ITGAV: variants seen among roughly 807,000 people sequenced by gnomAD.
ITGAV encodes integrin alpha-V.
Under a neutral mutation model 143.8 loss-of-function variants are expected in ITGAV, and 76 were observed. That is an observed-to-expected ratio of 0.53 (90% CI 0.44 to 0.64). The LOEUF is 0.64. Ranked by LOEUF, ITGAV falls within the 30% of genes least tolerant of loss-of-function variation. The pLI is 0.00. For missense variants in ITGAV, 1,193 were observed against 1,274.7 expected, an observed-to-expected ratio of 0.94 and a Z score of 0.98; for synonymous variants, 453 against 446.7, an observed-to-expected ratio of 1.01 and a Z score of -0.18.
intron 12 of ITGAV, 91 bp downstream of exon 12, chr2:186,641,679 C>A: frequency 1.0e-6 from 1 of 974,724 alleles, no homozygotes; most frequent in Non-Finnish European, 1.6e-6. Context: ...TCTACACGAG[C>A]AAATCTCCTT....
chr2:186,590,572 G>T, intron 1 of ITGAV, 49 bp downstream of exon 1: 16 of 1,528,554 alleles, frequency 1.0e-5, no homozygotes, highest in Non-Finnish European at 1.4e-5. Flanking sequence ...CCCACCGCGC[G>T]CACCCACCCA....
intron 26 of ITGAV, among the ~76,000 whole-genome samples, chr2:186,674,268 T>G (rs1228799271): frequency 1.3e-5 from 2 of 152,010 alleles, no homozygotes; most frequent in Non-Finnish European, 2.9e-5. Context: ...GAGCCACTGC[T>G]CTTGACCTCA....
At chr2:186,668,506 T>TGGGATTACA in intron 24 of ITGAV, 1 of 346,608 alleles carries the variant, frequency 2.9e-6, no homozygotes. Flanking sequence ...CCCAAAGTGC[T>TGGGATTACA]GGGATTACAG....
chr2:186,673,889 C>T (rs1173323315), intron 26 of ITGAV, among the ~76,000 whole-genome samples: 1 of 151,962 alleles, frequency 6.6e-6, no homozygotes, highest in Non-Finnish European at 1.5e-5. Context: ...AGTCTGGTCT[C>T]GAACTCCTGA....
intron 2 of ITGAV, among the ~76,000 whole-genome samples, chr2:186,614,897 T>A (rs988618264): frequency 6.6e-6 from 1 of 152,080 alleles, no homozygotes; most frequent in Non-Finnish European, 1.5e-5. Context: ...CTGTTTTAAG[T>A]GTACAATTCA....
At chr2:186,607,964 G>A (rs959947389) in intron 2 of ITGAV, among the ~76,000 whole-genome samples, 2 of 152,130 alleles carry the variant, frequency 1.3e-5, no homozygotes, top group African/African-American at 2.4e-5. Flanking sequence ...GTTTTGTGGC[G>A]ACTCTGGAAG....
Position 186,669,814 on chromosome 2 carries a change from G to A in ITGAV, c.2706G>A (p.Leu902=). 6.3e-7 allele frequency: 1 copy of A among 1,595,464 alleles called. No homozygotes were observed. Among genetic ancestry groups the A allele is most frequent in the Non-Finnish European group, 8.6e-7 (1 of 1,163,438 alleles). ...LALSEGDIHT[L]GCGVAQCLKI... ...TCAGTGAAGGAGATATTCACACTTT[G>A]GTAAGTGCCATTTCAAATATGTGCA... is the stretch of plus-strand genomic sequence containing the variant. The change falls in exon 26 of 30, where the codon TTG becomes TTA. Residue 902 remains leucine, a splice_region_variant and synonymous_variant. Coordinates refer to ENST00000261023, the MANE Select transcript of ITGAV (RefSeq NM_002210.5).
At chr2:186,641,241 A>C (rs1470350949) in intron 11 of ITGAV, 145 bp from the exon 12 acceptor site, 1 of 647,042 alleles carries the variant, frequency 1.5e-6, no homozygotes, top group African/African-American at 1.8e-5. Flanking sequence ...TTCAAATTTG[A>C]AATGAGTGCT....
At chr2:186,620,376 A>C (rs1352325905) in intron 2 of ITGAV, among the ~76,000 whole-genome samples, 1 of 152,192 alleles carries the variant, frequency 6.6e-6, no homozygotes, top group Non-Finnish European at 1.5e-5. Flanking sequence ...TTTCCGGGCA[A>C]GAGGACCTTG....
chr2:186,675,606 T>C lies in ITGAV; in HGVS notation c.2709T>C (p.Gly903=), dbSNP rs138642568. The change falls in exon 27 of 30, where the codon GGT becomes GGC. Residue 903 remains glycine (G), a splice_region_variant and synonymous_variant. Coordinates refer to ENST00000261023, the MANE Select transcript of ITGAV (RefSeq NM_002210.5). Reference sequence around the variant, plus strand: ...AAGTAAAGGATTTGTTTTGGCAGGGTTGTGGAGTTGCTCAGTGCTTGAAGA... The same window carrying C: ...AAGTAAAGGATTTGTTTTGGCAGGGCTGTGGAGTTGCTCAGTGCTTGAAGA... ...ALSEGDIHTL[G]CGVAQCLKIV... is the part of the protein sequence containing the mutation. 19 of 1,610,936 alleles carry C rather than the reference T, an allele frequency of 1.2e-5. No homozygotes were observed. The highest frequency in any genetic ancestry group is 1.7e-6 in the Non-Finnish European group (2 of 1,177,278).
intron 24 of ITGAV, chr2:186,668,139 T>TCATTAATA (rs1161321475): frequency 7.2e-6 from 1 of 138,714 alleles, no homozygotes; most frequent in African/African-American, 2.6e-5. Flanking sequence ...TTGTCATCCT[T>TCATTAATA]CATTAATAAC....
chr2:186,655,931 C>G (rs61762255), intron 16 of ITGAV, among the ~76,000 whole-genome samples: 1 of 152,116 alleles, frequency 6.6e-6, no homozygotes, highest in Non-Finnish European at 1.5e-5. Flanking sequence ...ATGTTTCATC[C>G]TCTGGATTTC....
rs79257155 is a variant in ITGAV at position 186,642,271 on chromosome 2, G to A, written c.1159+683G>A. Among the ~76,000 whole-genome samples, 928 of 152,062 alleles carry A rather than the reference G, an allele frequency of 6.1e-3. 5 individuals carry two copies. The highest frequency in any genetic ancestry group is 0.011 in the Non-Finnish European group (743 of 67,996). On this transcript the variant is annotated intron_variant, in intron 12 of 29. Coordinates refer to ENST00000261023, the MANE Select transcript of ITGAV (RefSeq NM_002210.5). ...GTTAAAAACCTTTCTAGAGATCACA[G>A]AATGGATAGTTGAACTAGTTTGTGT...
In ITGAV at chr2:186,646,847, G is replaced by A. The variant is rs1230947126; in HGVS notation, c.1321G>A (p.Ala441Thr). 6.2e-7 allele frequency: 1 copy of A among 1,604,348 alleles called. No individual in the cohort carries two copies. The highest frequency in any genetic ancestry group is 1.3e-5 in the African/African-American group (1 of 74,734). The change falls in exon 13 of 30, where the codon GCC becomes ACC. Residue 441 changes from alanine to threonine, a missense_variant. Physicochemically the swap from Ala to Thr is moderately conservative, Grantham distance 58 (BLOSUM62 0). Coordinates refer to ENST00000261023, the MANE Select transcript of ITGAV (RefSeq NM_002210.5). ...PPSFGYSMKGATDIDKNGYPD... is the reference protein window; with the variant it reads ...PPSFGYSMKGTTDIDKNGYPD... ...AAGCTTTGGCTATTCAATGAAAGGA[G>A]CCACAGATATAGACAAAAATGGATA...
At position 186,633,068 on chromosome 2, in the gene ITGAV, G is replaced by A. The variant is rs1391664105; in HGVS notation, c.586-261G>A. On this transcript the variant is annotated intron_variant, in intron 5 of 29. Transcript: ENST00000261023. The stretch of plus-strand genomic sequence containing the variant: ...ATAAATCTCAGCACTTTAAGAGGCT[G>A]AGCTGGGAAGATAGCTTAAAGCCAG... Among the ~76,000 whole-genome samples the A allele has an allele frequency of 1.2e-4, 18 of 150,620 alleles. No homozygotes were observed. The Admixed American group carries it at 1.2e-3, about 10-fold the overall frequency.
chr2:186,668,661 TA>T, intron 24 of ITGAV, 100 bp from the exon 25 acceptor site: 1 of 1,035,858 alleles, frequency 9.7e-7, no homozygotes, highest in Middle Eastern at 2.1e-4. Flanking sequence ...TGCTGTTATT[TA>T]AAACCTATTG....
At chr2:186,665,086 T>C in intron 20 of ITGAV, 40 bp from the exon 21 acceptor site, 1 of 1,237,192 alleles carries the variant, frequency 8.1e-7, no homozygotes, top group Non-Finnish European at 1.1e-6. Context: ...CTTTATTTCC[T>C]TTCATATCCA....
chr2:186,592,937 A>C (rs1192439527), intron 1 of ITGAV, among the ~76,000 whole-genome samples: 1 of 152,166 alleles, frequency 6.6e-6, no homozygotes, highest in Admixed American at 6.5e-5. Context: ...AGATTTAACA[A>C]AAATTTATGT....
intron 12 of ITGAV, among the ~76,000 whole-genome samples, chr2:186,644,466 C>T (rs1476480624): frequency 1.3e-5 from 2 of 151,992 alleles, no homozygotes; most frequent in Non-Finnish European, 2.9e-5. Context: ...GCTGGGACTA[C>T]AGGCACCCAC....
Sources: allele counts gnomAD v4.1 joint callset (sites outside exome capture counted in the v4.1 genomes callset), GRCh38; gene constraint gnomAD v4.1.1; transcripts MANE v1.5; gene names NCBI Gene and HGNC (gene_info 2026-07-23, HGNC 2026-07-21).